The following AP4S1 variants were observed in gnomAD, a reference collection of about 807,000 sequenced individuals.
The protein encoded by AP4S1 is adaptor related protein complex 4 subunit sigma 1.
A neutral mutation model predicts 19.8 loss-of-function variants in AP4S1; 23 were observed. The observed-to-expected ratio is 1.16, with a 90% CI of 0.84 to 1.65. The LOEUF (loss-of-function observed/expected upper bound fraction) is 1.65, where lower values mean the gene tolerates loss of function less well. Ranked by LOEUF, AP4S1 falls within the 40% of genes most tolerant of loss-of-function variation. The probability of loss-of-function intolerance (pLI) is 0.00; values close to 1 mark genes in which losing one functional copy is unlikely to be tolerated. For missense variants in AP4S1, 166 were observed against 172.8 expected (o/e 0.96, Z 0.22); for synonymous variants, 46 against 54.1 (o/e 0.85, Z 0.66).
intron 1 of AP4S1, among the ~76,000 whole-genome samples, chr14:31,051,680 A>G (rs1200085730): frequency 6.6e-6 from 1 of 152,148 alleles, no homozygotes; most frequent in Non-Finnish European, 1.5e-5. Context: ...TTTATTTATG[A>G]GACAGAGTCT....
chr14:31,026,986 G>C (rs1884032244), intron 1 of AP4S1: 1 of 152,290 alleles, frequency 6.6e-6, no homozygotes, highest in African/African-American at 2.4e-5. Context: ...CTCCGGCTGT[G>C]GTTACTGATT....
rs73253804 is a variant in AP4S1, at chr14:31,080,413, T to C, written c.295-160T>C. Reference sequence around the variant, plus strand: ...TTTAAAAAAATTATAGTCCCAAACTTAGGGCCTTGGCAGAGTCAGACTGCT... The same window carrying C: ...TTTAAAAAAATTATAGTCCCAAACTCAGGGCCTTGGCAGAGTCAGACTGCT... On this transcript the variant is annotated intron_variant, in intron 4 of 5. Transcript: ENST00000542754. 0.058 allele frequency among the ~76,000 whole-genome samples: 8,879 copies of C among 152,210 alleles called. 862 individuals carry two copies. The highest frequency in any genetic ancestry group is 0.2 in the African/African-American group (8,342 of 41,480).
At chr14:31,060,684 A>C (rs2139544425) in intron 1 of AP4S1, among the ~76,000 whole-genome samples, 1 of 152,338 alleles carries the variant, frequency 6.6e-6, no homozygotes, top group South Asian at 2.1e-4. Context: ...AGCTCAGTGC[A>C]TAGTGGGACC....
At chr14:31,049,428 A>AAAAT (rs1384450221) in intron 1 of AP4S1, among the ~76,000 whole-genome samples, 60 of 57,740 alleles carry the variant, frequency 1.0e-3, no homozygotes, top group East Asian at 2.0e-3. Context: ...AAAAAAAAAA[A>AAAAT]ATATATATAT....
At chr14:31,044,226 C>T (rs1885267043) in intron 1 of AP4S1, among the ~76,000 whole-genome samples, 1 of 152,180 alleles carries the variant, frequency 6.6e-6, no homozygotes, top group South Asian at 2.1e-4. Context: ...ATGCACTTTA[C>T]TATAACCCTT....
chr14:31,058,805 G>A (rs1424893394), intron 1 of AP4S1, among the ~76,000 whole-genome samples: 2 of 151,166 alleles, frequency 1.3e-5, no homozygotes, highest in Non-Finnish European at 2.9e-5. Context: ...CCAACTTCTG[G>A]GCTCAAGCTA....
intron 1 of AP4S1, among the ~76,000 whole-genome samples, chr14:31,059,114 T>C (rs1886291685): frequency 6.6e-6 from 1 of 152,222 alleles, no homozygotes; most frequent in African/African-American, 2.4e-5. Context: ...TGGCATTGTA[T>C]ATTCTATAGT....
At chr14:31,080,526 C>A (rs1404141147) in intron 4 of AP4S1, 47 bp from the exon 5 acceptor site, 5 of 1,484,118 alleles carry the variant, frequency 3.4e-6, no homozygotes, top group African/African-American at 1.4e-5. Context: ...GAGCAGTGGT[C>A]CCCAGTGTCT....
rs1423681834 is a variant in AP4S1 at position 31,085,784 on chromosome 14, T to TA, written c.306+5205dup. On this transcript the variant is annotated intron_variant, in intron 5 of 5. Coordinates refer to ENST00000542754, the MANE Select transcript of AP4S1 (RefSeq NM_001128126.3). The stretch of plus-strand genomic sequence containing the variant: ...GAGACCTTGTCTTTAAAAATAAAAA[T>TA]AAAAACATCTTTACAACATTCCTGT... The TA allele has an allele frequency of 4.1e-6, 4 of 971,180 alleles. No homozygotes were observed. In the African/African-American group the frequency reaches 7.0e-5, roughly 17 times the overall value. 60.2% of individuals were successfully genotyped at this position (971,180 alleles called of 1,614,324 possible). A position where few individuals can be genotyped will look rare whatever the true frequency, so the allele number is the denominator to read the frequency against.
chr14:31,030,307 G>C (rs7149411), intron 1 of AP4S1, among the ~76,000 whole-genome samples: 53,881 of 152,038 alleles, frequency 0.35, 10,283 homozygotes, highest in South Asian at 0.56. Flanking sequence ...GTACTGATCA[G>C]TAACACTGAT....
At chr14:31,028,775 G>A (rs1375313980) in intron 1 of AP4S1, among the ~76,000 whole-genome samples, 1 of 152,134 alleles carries the variant, frequency 6.6e-6, no homozygotes, top group Non-Finnish European at 1.5e-5. Flanking sequence ...TTAGCTGGGC[G>A]TGGTGGCGCT....
intron 5 of AP4S1, among the ~76,000 whole-genome samples, chr14:31,090,691 CT>C (rs1486222599): frequency 2.6e-5 from 4 of 152,200 alleles, no homozygotes; most frequent in Non-Finnish European, 5.9e-5. Flanking sequence ...TTTTTGGTCC[CT>C]GCTTACCTGG....
intron 1 of AP4S1, among the ~76,000 whole-genome samples, chr14:31,049,428 A>AAATATATATATAT (rs1384450221): frequency 3.5e-4 from 20 of 57,736 alleles, no homozygotes; most frequent in African/African-American, 1.5e-3. Context: ...AAAAAAAAAA[A>AAATATATATATAT]ATATATATAT....
intron 1 of AP4S1, among the ~76,000 whole-genome samples, chr14:31,042,257 G>T (rs1487066085): frequency 2.6e-5 from 4 of 152,180 alleles, no homozygotes; most frequent in African/African-American, 9.7e-5. Context: ...ACAGTAATGG[G>T]AAGCTTGGGT....
intron 1 of AP4S1, among the ~76,000 whole-genome samples, chr14:31,054,051 A>G (rs1392057322): frequency 6.6e-6 from 1 of 152,138 alleles, no homozygotes; most frequent in Admixed American, 6.6e-5. Flanking sequence ...TTTAAAGGAA[A>G]AGTTATTGCT....
chr14:31,056,263 A>G (rs556734615), intron 1 of AP4S1, among the ~76,000 whole-genome samples: 43 of 152,140 alleles, frequency 2.8e-4, no homozygotes, highest in African/African-American at 1.0e-3. Flanking sequence ...ATCATAGTGT[A>G]CAGCAGCCTC....
intron 1 of AP4S1, 43 bp from the exon 2 acceptor site, chr14:31,066,083 A>G: frequency 1.0e-6 from 1 of 966,586 alleles, no homozygotes; most frequent in Non-Finnish European, 1.6e-6. Flanking sequence ...TATTTGAGAA[A>G]TTTGATCTTG....
intron 1 of AP4S1, among the ~76,000 whole-genome samples, chr14:31,053,989 G>C (rs777667193): frequency 1.3e-4 from 20 of 152,220 alleles, no homozygotes; most frequent in Non-Finnish European, 2.4e-4. Context: ...GGCAGGAACA[G>C]GATATGAGGG....
chr14:31,057,027 T>C (rs1886158954), intron 1 of AP4S1, among the ~76,000 whole-genome samples: 1 of 152,100 alleles, frequency 6.6e-6, no homozygotes, highest in African/African-American at 2.4e-5. Context: ...TGAGCTGTGA[T>C]TGTGCCACTA....
Sources: allele counts gnomAD v4.1 joint callset (sites outside exome capture counted in the v4.1 genomes callset), GRCh38; gene constraint gnomAD v4.1.1; transcripts MANE v1.5; gene names NCBI Gene and HGNC (gene_info 2026-07-23, HGNC 2026-07-21).